ADAMTS3: variants seen among roughly 807,000 people sequenced by gnomAD.
ADAMTS3 encodes the protein A disintegrin and metalloproteinase with thrombospondin motifs 3.
Under a neutral mutation model 129.0 loss-of-function variants are expected in ADAMTS3, and 73 were observed. That is an observed-to-expected ratio of 0.57 (90% CI 0.47 to 0.69). ADAMTS3 has a LOEUF of 0.69. ADAMTS3 is among the 30% of genes least tolerant of loss of function. The probability of loss-of-function intolerance (pLI) is 0.00; values close to 1 mark genes in which losing one functional copy is unlikely to be tolerated. For synonymous variants in ADAMTS3, 477 were observed against 510.8 expected (o/e 0.93, Z 0.89); for missense variants, 1,457 against 1,514.5 (o/e 0.96, Z 0.63).
At chr4:72,378,500 C>A (rs75540507) in intron 4 of ADAMTS3, among the ~76,000 whole-genome samples, 3,913 of 152,198 alleles carry the variant, frequency 0.026, 181 homozygotes, top group African/African-American at 0.09. Context: ...CTGAGTACAG[C>A]CACATGAAAC....
chr4:72,522,054 A>G (rs1246832128), intron 3 of ADAMTS3, among the ~76,000 whole-genome samples: 1 of 152,208 alleles, frequency 6.6e-6, no homozygotes, highest in Non-Finnish European at 1.5e-5. Flanking sequence ...ACAGACTTCT[A>G]TAGGAATGAA....
chr4:72,387,907 T>C (rs1335232492), intron 4 of ADAMTS3, among the ~76,000 whole-genome samples: 1 of 152,160 alleles, frequency 6.6e-6, no homozygotes, highest in Non-Finnish European at 1.5e-5. Context: ...AAGAGTGCTA[T>C]TTAGCAACAT....
At chr4:72,322,963 T>G (rs1203413390) in intron 6 of ADAMTS3, 51 bp downstream of exon 6, 1 of 1,409,624 alleles carries the variant, frequency 7.1e-7, no homozygotes, top group South Asian at 1.2e-5. Context: ...TAGTCTTCTA[T>G]TTGCTAACCC....
chr4:72,534,810 C>A (rs954393995), intron 3 of ADAMTS3, among the ~76,000 whole-genome samples: 1 of 151,968 alleles, frequency 6.6e-6, no homozygotes. Context: ...TTTTTCCAAG[C>A]ATAACATATA....
At chr4:72,478,435 C>G (rs1275277459) in intron 3 of ADAMTS3, among the ~76,000 whole-genome samples, 11 of 148,152 alleles carry the variant, frequency 7.4e-5, no homozygotes, top group East Asian at 2.0e-4. Flanking sequence ...GAACCAAAGA[C>G]AAAAACCACA....
At position 72,316,692 on chromosome 4, in the gene ADAMTS3, A is replaced by AAAT. The variant is rs754769289; in HGVS notation, c.1486-724_1486-722dup. 4.6e-3 allele frequency among the ~76,000 whole-genome samples: 450 copies of AAAT among 97,870 alleles called. 3 individuals are homozygous for AAAT. The highest frequency in any genetic ancestry group is 0.011 in the African/African-American group (422 of 37,850). The allele number at this position is 97,870 out of a possible 152,430, so 64.2% of individuals were successfully genotyped here. A position where few individuals can be genotyped will look rare whatever the true frequency, so the allele number is the denominator to read the frequency against. ...GTGACAACAGTGAGACACTATCTCA[A>AAAT]AATAATAATAATAATAATAATAATC... is the stretch of plus-strand genomic sequence containing the variant. On this transcript the variant is annotated intron_variant, in intron 10 of 21. Coordinates refer to ENST00000286657, the MANE Select transcript of ADAMTS3 (RefSeq NM_014243.3).
intron 3 of ADAMTS3, among the ~76,000 whole-genome samples, chr4:72,478,614 T>A (rs1719317878): frequency 6.8e-6 from 1 of 147,018 alleles, no homozygotes; most frequent in Non-Finnish European, 1.5e-5. Context: ...CTGGAAGCAT[T>A]CCCTTTGAAA....
At chr4:72,338,233 A>C (rs1160637851) in intron 5 of ADAMTS3, among the ~76,000 whole-genome samples, 1 of 152,148 alleles carries the variant, frequency 6.6e-6, no homozygotes, top group Non-Finnish European at 1.5e-5. Context: ...CATAACTAGC[A>C]AAAAGTTAAT....
At chr4:72,340,326 T>TGC (rs1170132796) in intron 4 of ADAMTS3, among the ~76,000 whole-genome samples, 5 of 151,160 alleles carry the variant, frequency 3.3e-5, no homozygotes, top group Non-Finnish European at 7.4e-5. Context: ...AGTGTGTGTG[T>TGC]GTGTGTGTGT....
chr4:72,298,243 A>G (rs771121250), intron 18 of ADAMTS3, 34 bp downstream of exon 18: 1 of 1,579,090 alleles, frequency 6.3e-7, no homozygotes, highest in Non-Finnish European at 8.6e-7. Flanking sequence ...TATATGCATT[A>G]CATTTTAATA....
rs78991839 is a variant in ADAMTS3 at position 72,331,325 on chromosome 4, T to G, written c.861+8169A>C. Among the ~76,000 whole-genome samples, 19 of 152,160 alleles carry G rather than the reference T, an allele frequency of 1.2e-4. No individual in the cohort carries two copies. The East Asian group carries it at 2.3e-3, about 19-fold the overall frequency. On this transcript the variant is annotated intron_variant, in intron 5 of 21. Coordinates refer to ENST00000286657, the MANE Select transcript of ADAMTS3 (RefSeq NM_014243.3). Reference sequence around the variant, plus strand: ...TCAATCCACATTGGGGAAATTAAGATAGCTTGTTGAGGTAGGGAAGTATAG... The same window carrying G: ...TCAATCCACATTGGGGAAATTAAGAGAGCTTGTTGAGGTAGGGAAGTATAG...
chr4:72,470,147 T>TTA (rs1719028895), intron 3 of ADAMTS3, among the ~76,000 whole-genome samples: 1 of 151,980 alleles, frequency 6.6e-6, no homozygotes, highest in Non-Finnish European at 1.5e-5. Context: ...TGCTCAATAC[T>TTA]GTTTTAGTCT....
intron 3 of ADAMTS3, among the ~76,000 whole-genome samples, chr4:72,471,906 C>CTTT (rs929350790): frequency 6.6e-6 from 1 of 151,832 alleles, no homozygotes; most frequent in Non-Finnish European, 1.5e-5. Flanking sequence ...TATAAGGGCC[C>CTTT]TAAAGTCAAA....
intron 5 of ADAMTS3, among the ~76,000 whole-genome samples, chr4:72,331,242 T>A (rs759161234): frequency 1.3e-5 from 2 of 152,162 alleles, no homozygotes; most frequent in Admixed American, 6.5e-5. Flanking sequence ...TATGTTTTTA[T>A]AAAAGGTGGC....
chr4:72,567,776 A>C (rs942430068), intron 1 of ADAMTS3, among the ~76,000 whole-genome samples: 9 of 152,362 alleles, frequency 5.9e-5, no homozygotes, highest in Admixed American at 3.9e-4. Flanking sequence ...TAAGGTCAGG[A>C]ATCAACTAGA....
intron 3 of ADAMTS3, among the ~76,000 whole-genome samples, chr4:72,546,918 G>C (rs1331991209): frequency 1.3e-5 from 2 of 152,156 alleles, no homozygotes; most frequent in African/African-American, 4.8e-5. Context: ...TGTAGAAGTA[G>C]GGAGGAAAAG....
intron 3 of ADAMTS3, among the ~76,000 whole-genome samples, chr4:72,482,279 TTAAA>T (rs1170741873): frequency 6.6e-6 from 1 of 152,042 alleles, no homozygotes; most frequent in Admixed American, 6.5e-5. Flanking sequence ...GGACGAATTA[TTAAA>T]TAAAGTATGA....
intron 4 of ADAMTS3, among the ~76,000 whole-genome samples, chr4:72,344,568 G>A (rs895817568): frequency 6.6e-6 from 1 of 152,094 alleles, no homozygotes; most frequent in African/African-American, 2.4e-5. Flanking sequence ...ATCTCCCTGT[G>A]ACTAAGGGTT....
intron 4 of ADAMTS3, among the ~76,000 whole-genome samples, chr4:72,391,416 G>A (rs1224559928): frequency 3.3e-5 from 5 of 152,166 alleles, no homozygotes; most frequent in Admixed American, 6.5e-5. Flanking sequence ...CCACACTGAA[G>A]ATAAAGCTTA....
Sources: allele counts gnomAD v4.1 joint callset (sites outside exome capture counted in the v4.1 genomes callset), GRCh38; gene constraint gnomAD v4.1.1; transcripts MANE v1.5; gene names NCBI Gene and HGNC (gene_info 2026-07-23, HGNC 2026-07-21).